The following CCNY variants were observed in gnomAD, a reference collection of about 807,000 sequenced individuals.
CCNY encodes cyclin Y.
In CCNY, 19 loss-of-function variants were observed where a neutral mutation model predicts 42.8. That is an observed-to-expected ratio of 0.44 (90% CI 0.31 to 0.65). The LOEUF is 0.65. Among genes scored for constraint, CCNY ranks in the 30% least tolerant of loss-of-function variants. The probability of loss-of-function intolerance (pLI) is 0.07; values close to 1 mark genes in which losing one functional copy is unlikely to be tolerated. For synonymous variants in CCNY, 165 were observed against 162.7 expected (o/e 1.01, Z -0.11); for missense variants, 370 against 437.3 (o/e 0.85, Z 1.37).
intron 3 of CCNY, among the ~76,000 whole-genome samples, chr10:35,296,925 G>A (rs945841293): frequency 1.3e-5 from 2 of 151,862 alleles, no homozygotes; most frequent in African/African-American, 4.8e-5. Flanking sequence ...AAAAATTGAG[G>A]GGAGGGTCTC....
chr10:35,430,796 T>TA (rs1156422635), intron 1 of CCNY, among the ~76,000 whole-genome samples: 1 of 152,188 alleles, frequency 6.6e-6, no homozygotes, highest in African/African-American at 2.4e-5. Context: ...CAAAAAATGT[T>TA]ACGTATATAG....
At chr10:35,562,099 A>T (rs1055759140) in intron 8 of CCNY, among the ~76,000 whole-genome samples, 5 of 152,086 alleles carry the variant, frequency 3.3e-5, no homozygotes, top group African/African-American at 9.7e-5. Context: ...AAATACTGTT[A>T]AAAAAAATTA....
At chr10:35,497,043 A>G (rs1233704714) in intron 2 of CCNY, among the ~76,000 whole-genome samples, 1 of 152,252 alleles carries the variant, frequency 6.6e-6, no homozygotes, top group East Asian at 1.9e-4. Context: ...ACTGTAGCCA[A>G]TTAAAAATCC....
At chr10:35,462,329 A>G (rs1839174186) in intron 1 of CCNY, among the ~76,000 whole-genome samples, 1 of 152,182 alleles carries the variant, frequency 6.6e-6, no homozygotes, top group Non-Finnish European at 1.5e-5. Context: ...CCGTCTTGCC[A>G]CTGGATAGTG....
chr10:35,506,770 T>G (rs944617011), intron 3 of CCNY, among the ~76,000 whole-genome samples: 3 of 152,212 alleles, frequency 2.0e-5, no homozygotes, highest in Non-Finnish European at 2.9e-5. Flanking sequence ...TGATTTAGCC[T>G]GGTAACTCAT....
intron 3 of CCNY, among the ~76,000 whole-genome samples, chr10:35,275,529 C>T (rs377130839): frequency 6.2e-4 from 94 of 151,344 alleles, no homozygotes; most frequent in Middle Eastern, 3.4e-3. Flanking sequence ...TTTGGGAGGC[C>T]GAGGCAGGCT....
intron 3 of CCNY, among the ~76,000 whole-genome samples, chr10:35,256,403 A>G (rs184471786): frequency 3.9e-5 from 6 of 152,248 alleles, no homozygotes; most frequent in African/African-American, 1.2e-4. Flanking sequence ...TTAACTTCCT[A>G]AAGTTATAAA....
At chr10:35,446,334 A>G (rs1244897235) in intron 1 of CCNY, among the ~76,000 whole-genome samples, 1 of 152,238 alleles carries the variant, frequency 6.6e-6, no homozygotes, top group Non-Finnish European at 1.5e-5. Flanking sequence ...TTACATGTCA[A>G]ATGCCTAAAA....
At chr10:35,453,447 T>C (rs910340022) in intron 1 of CCNY, among the ~76,000 whole-genome samples, 1 of 152,234 alleles carries the variant, frequency 6.6e-6, no homozygotes, top group African/African-American at 2.4e-5. Context: ...AATATGGTAA[T>C]GAACATCTTT....
At position 35,263,313 on chromosome 10, in the gene CCNY, C is replaced by T. The variant is rs569527727; in HGVS notation, c.-9+12687C>T. On this transcript the variant is annotated intron_variant, in intron 3 of 11. Transcript: ENST00000374706. Reference sequence around the variant, plus strand: ...TGGAGCTTGCAGTGAGCCGAGATCGCGCCACTGCACTCCAGCCTGGATGAC... The same window carrying T: ...TGGAGCTTGCAGTGAGCCGAGATCGTGCCACTGCACTCCAGCCTGGATGAC... 8.7e-4 allele frequency among the ~76,000 whole-genome samples: 122 copies of T among 140,320 alleles called. No homozygotes were observed. The Admixed American group carries it at 9.2e-3, about 11-fold the overall frequency. 92.1% of individuals were successfully genotyped at this position (140,320 alleles called of 152,430 possible).
chr10:35,318,440 A>G (rs557155407), intron 3 of CCNY, among the ~76,000 whole-genome samples: 36 of 152,266 alleles, frequency 2.4e-4, no homozygotes, highest in Admixed American at 1.2e-3. Flanking sequence ...ATATACTCCT[A>G]TATCTACTGA....
chr10:35,537,987 A>AG (rs1840920409), intron 7 of CCNY, among the ~76,000 whole-genome samples: 1 of 151,982 alleles, frequency 6.6e-6, no homozygotes, highest in Admixed American at 6.6e-5. Context: ...TTGTTGTGGG[A>AG]GGGACCTGGT....
At chr10:35,518,313 A>G (rs1380296158) in intron 4 of CCNY, among the ~76,000 whole-genome samples, 2 of 152,252 alleles carry the variant, frequency 1.3e-5, no homozygotes, top group Non-Finnish European at 2.9e-5. Flanking sequence ...GTCACCTGGG[A>G]GCTTAAAAAC....
In CCNY at chr10:35,564,158, G is replaced by A. The variant is rs535782551; in HGVS notation, c.747-1865G>A. Reference sequence around the variant, plus strand: ...GCCTCCCAAAGTGCTGAGATTACAGGTGTGAGTGACCACACCCAGCCTAAA... The same window carrying A: ...GCCTCCCAAAGTGCTGAGATTACAGATGTGAGTGACCACACCCAGCCTAAA... On this transcript the variant is annotated intron_variant, in intron 8 of 9. Coordinates refer to ENST00000374704, the MANE Select transcript of CCNY (RefSeq NM_145012.6). 4.1e-5 allele frequency among the ~76,000 whole-genome samples: 6 copies of A among 147,938 alleles called. No individual in the cohort carries two copies. The South Asian group carries it at 8.8e-4, about 22-fold the overall frequency.
chr10:35,265,943 C>G (rs1217846302), intron 3 of CCNY, among the ~76,000 whole-genome samples: 1 of 152,140 alleles, frequency 6.6e-6, no homozygotes, highest in Non-Finnish European at 1.5e-5. Context: ...CAGCCCCACT[C>G]TTTACATTCT....
At chr10:35,256,574 A>G (rs1027735186) in intron 3 of CCNY, among the ~76,000 whole-genome samples, 5 of 151,952 alleles carry the variant, frequency 3.3e-5, no homozygotes, top group African/African-American at 1.2e-4. Flanking sequence ...TCTACTAAAA[A>G]TACAAAAATT....
intron 3 of CCNY, among the ~76,000 whole-genome samples, chr10:35,259,560 T>G (rs2135030019): frequency 7.3e-6 from 1 of 137,256 alleles, no homozygotes; most frequent in Non-Finnish European, 1.5e-5. Flanking sequence ...TGGAGTGCAG[T>G]GGCATGATCT....
At chr10:35,259,619 C>T (rs1565055003) in intron 3 of CCNY, among the ~76,000 whole-genome samples, 1 of 148,842 alleles carries the variant, frequency 6.7e-6, no homozygotes, top group Non-Finnish European at 1.5e-5. Context: ...TCTCCTGCCT[C>T]AGCCTTCCAA....
At chr10:35,399,578 C>G (rs1239625848) in intron 1 of CCNY, among the ~76,000 whole-genome samples, 2 of 152,210 alleles carry the variant, frequency 1.3e-5, no homozygotes, top group African/African-American at 4.8e-5. Context: ...TGTGGTGTTT[C>G]ACGCTGTTAA....
Sources: gnomAD v4.1 joint callset for allele counts (sites outside exome capture counted in the v4.1 genomes callset) on GRCh38, gnomAD v4.1.1 for gene constraint, MANE v1.5 for transcripts, NCBI Gene and HGNC (gene_info 2026-07-23, HGNC 2026-07-21) for gene names.